The following NTNG1 variants were observed in gnomAD, a reference collection of about 807,000 sequenced individuals.
NTNG1 encodes the protein netrin-G1.
NTNG1 carries 16 observed loss-of-function variants against 54.0 expected under a neutral mutation model. That is an observed-to-expected ratio of 0.30 (90% CI 0.20 to 0.45). The LOEUF is 0.45. Among genes scored for constraint, NTNG1 ranks in the 20% least tolerant of loss-of-function variants. The pLI, the probability that NTNG1 is intolerant of heterozygous loss-of-function variation, is 1.00. For missense variants in NTNG1, 530 were observed against 678.7 expected (o/e 0.78, Z 2.43); for synonymous variants, 255 against 263.1 (o/e 0.97, Z 0.30).
chr1:107,330,550 C>T (rs1254684188), intron 3 of NTNG1, among the ~76,000 whole-genome samples: 3 of 152,034 alleles, frequency 2.0e-5, no homozygotes, highest in Non-Finnish European at 4.4e-5. Context: ...GGGAAGACTT[C>T]CTAGTGAATT....
At chr1:107,401,141 T>TG (rs1673004667) in intron 4 of NTNG1, among the ~76,000 whole-genome samples, 1 of 152,088 alleles carries the variant, frequency 6.6e-6, no homozygotes, top group African/African-American at 2.4e-5. Context: ...GGAACTTTAA[T>TG]GGGAAAAAGT....
chr1:107,281,847 C>T (rs1664882266), intron 2 of NTNG1, among the ~76,000 whole-genome samples: 1 of 152,088 alleles, frequency 6.6e-6, no homozygotes, highest in Admixed American at 6.6e-5. Context: ...CCCAGCAAGA[C>T]ATTCCCAATG....
At chr1:107,151,692 TAA>T (rs753259570) in intron 2 of NTNG1, among the ~76,000 whole-genome samples, 2 of 152,156 alleles carry the variant, frequency 1.3e-5, no homozygotes, top group Non-Finnish European at 2.9e-5. Flanking sequence ...GGCATTGCAT[TAA>T]GAGTCCGTGT....
chr1:107,373,213 A>G (rs1389586628), intron 3 of NTNG1, among the ~76,000 whole-genome samples: 1 of 151,794 alleles, frequency 6.6e-6, no homozygotes, highest in Non-Finnish European at 1.5e-5. Context: ...TGATTCCTTT[A>G]TATCTCCTTT....
At chr1:107,317,604 T>A (rs1254571636) in intron 2 of NTNG1, among the ~76,000 whole-genome samples, 3 of 152,188 alleles carry the variant, frequency 2.0e-5, no homozygotes, top group African/African-American at 7.2e-5. Flanking sequence ...TCTTGACCCC[T>A]CAGCCTTCAC....
chr1:107,418,566 C>A, intron 5 of NTNG1: 1 of 1,576,590 alleles, frequency 6.3e-7, no homozygotes, highest in Non-Finnish European at 8.6e-7. Context: ...CCTGATTTTT[C>A]CTGATGCGTG....
intron 2 of NTNG1, among the ~76,000 whole-genome samples, chr1:107,249,810 C>T (rs533867544): frequency 2.0e-5 from 3 of 152,162 alleles, no homozygotes; most frequent in Non-Finnish European, 2.9e-5. Context: ...ATGGGACTAA[C>T]ACTTTATGAG....
At chr1:107,215,977 G>C (rs1659929452) in intron 2 of NTNG1, among the ~76,000 whole-genome samples, 1 of 152,090 alleles carries the variant, frequency 6.6e-6, no homozygotes, top group Non-Finnish European at 1.5e-5. Flanking sequence ...CACGGCTACT[G>C]ATTTGTGTAC....
At chr1:107,199,515 AG>A (rs1658578323) in intron 2 of NTNG1, among the ~76,000 whole-genome samples, 1 of 151,926 alleles carries the variant, frequency 6.6e-6, no homozygotes, top group Non-Finnish European at 1.5e-5. Flanking sequence ...AGTAATACTA[AG>A]TATTATCTCA....
chr1:107,211,365 A>G (rs1218829093), intron 2 of NTNG1, among the ~76,000 whole-genome samples: 1 of 152,166 alleles, frequency 6.6e-6, no homozygotes, highest in East Asian at 1.9e-4. Flanking sequence ...AATATATAAT[A>G]TATATTTGAA....
Position 107,178,503 on chromosome 1 carries a change from A to C in NTNG1, c.246+29664A>C, listed in dbSNP as rs555116376. Among the ~76,000 whole-genome samples the C allele has an allele frequency of 3.9e-5, 6 of 151,926 alleles. No individual in the cohort carries two copies. In the South Asian group the frequency reaches 1.3e-3, roughly 32 times the overall value. On this transcript the variant is annotated intron_variant, in intron 2 of 7. Transcript: ENST00000370068. ...TTCATTGTTGTCCTAGGTAGGACCC[A>C]TAGTTTCCCGTGTCTTTCTAGTTTT... is the stretch of plus-strand genomic sequence containing the variant.
At chr1:107,260,061 A>G (rs1663207030) in intron 2 of NTNG1, among the ~76,000 whole-genome samples, 1 of 152,212 alleles carries the variant, frequency 6.6e-6, no homozygotes, top group African/African-American at 2.4e-5. Flanking sequence ...ATGACTCTGG[A>G]ATGCACAAGA....
At chr1:107,400,071 T>C (rs544305808) in intron 4 of NTNG1, among the ~76,000 whole-genome samples, 1 of 152,332 alleles carries the variant, frequency 6.6e-6, no homozygotes, top group Admixed American at 6.5e-5. Context: ...CAACCAATTC[T>C]AACTTCAATC....
chr1:107,290,297 A>G (rs1385834033), intron 2 of NTNG1, among the ~76,000 whole-genome samples: 4 of 152,168 alleles, frequency 2.6e-5, no homozygotes. Context: ...GAGAGCCTCA[A>G]TGACCCTGCC....
At chr1:107,465,562 G>A (rs1482661175) in intron 7 of NTNG1, among the ~76,000 whole-genome samples, 1 of 152,220 alleles carries the variant, frequency 6.6e-6, no homozygotes, top group Non-Finnish European at 1.5e-5. Flanking sequence ...AGGAAGGATA[G>A]TATCTGAAGG....
At chr1:107,465,132 A>G (rs1677519425) in intron 7 of NTNG1, among the ~76,000 whole-genome samples, 1 of 152,236 alleles carries the variant, frequency 6.6e-6, no homozygotes, top group South Asian at 2.1e-4. Context: ...GTTATTTCCA[A>G]TTACAGTCTC....
intron 3 of NTNG1, among the ~76,000 whole-genome samples, chr1:107,330,166 A>G (rs1308573696): frequency 6.6e-6 from 1 of 152,092 alleles, no homozygotes; most frequent in Non-Finnish European, 1.5e-5. Context: ...TGATGGAGTT[A>G]AGAGTCCTGA....
chr1:107,334,946 C>T (rs950609808), intron 3 of NTNG1, among the ~76,000 whole-genome samples: 2 of 151,988 alleles, frequency 1.3e-5, no homozygotes, highest in Non-Finnish European at 2.9e-5. Context: ...AGAATTGGAG[C>T]TTAGCCCATT....
At chr1:107,403,964 T>G (rs1330528110) in intron 4 of NTNG1, among the ~76,000 whole-genome samples, 1 of 151,930 alleles carries the variant, frequency 6.6e-6, no homozygotes, top group Non-Finnish European at 1.5e-5. Context: ...CCTTCCGTTC[T>G]TTTTAATTTA....
Sources: gnomAD v4.1 joint callset for allele counts (sites outside exome capture counted in the v4.1 genomes callset) on GRCh38, gnomAD v4.1.1 for gene constraint, MANE v1.5 for transcripts, NCBI Gene and HGNC (gene_info 2026-07-23, HGNC 2026-07-21) for gene names.